The following PICK1 variants were observed in gnomAD, a reference collection of about 807,000 sequenced individuals.
PICK1 encodes PRKCA-binding protein.
In PICK1, 23 loss-of-function variants were observed where a neutral mutation model predicts 48.9. That is an observed-to-expected ratio of 0.47 (90% CI 0.34 to 0.67). PICK1 has a LOEUF of 0.67. Among genes scored for constraint, PICK1 ranks in the 30% least tolerant of loss-of-function variants. The probability of loss-of-function intolerance (pLI) is 0.01; values close to 1 mark genes in which losing one functional copy is unlikely to be tolerated. For synonymous variants in PICK1, 217 were observed against 228.2 expected (o/e 0.95, Z 0.44); for missense variants, 423 against 557.1 (o/e 0.76, Z 2.42).
intron 2 of PICK1, 57 bp downstream of exon 2, chr22:38,057,907 C>T (rs1364449807): frequency 2.9e-6 from 4 of 1,359,868 alleles, no homozygotes; most frequent in Non-Finnish European, 4.2e-6. Flanking sequence ...TTCCTCATTT[C>T]CCTGGACTTC....
rs951342778 is a variant in PICK1, at chr22:38,073,651, C to T, written c.784-122C>T. 7.2e-5 allele frequency: 66 copies of T among 915,424 alleles called. 1 individual carries two copies. Among genetic ancestry groups the T allele is most frequent in the African/African-American group, 3.6e-4 (22 of 61,672 alleles). 56.7% of individuals were successfully genotyped at this position (915,424 alleles called of 1,614,324 possible). A position where few individuals can be genotyped will look rare whatever the true frequency, so the allele number is the denominator to read the frequency against. ...TCATCCCTCAGCACCTGCCGCTGCC[C>T]GCTCTGGGACTCCCTGAACACCTGC... On this transcript the variant is annotated intron_variant, in intron 10 of 12. Coordinates refer to ENST00000356976, the MANE Select transcript of PICK1 (RefSeq NM_012407.4). This position sits in a 1 kb window ranked among gnomAD's most constrained non-coding sequence, Gnocchi z 5.7.
chr22:38,071,974 T>C (rs2085708273), intron 8 of PICK1: 4 of 595,818 alleles, frequency 6.7e-6, no homozygotes, highest in African/African-American at 1.9e-5. Flanking sequence ...ACACTGCCAC[T>C]GGCAGTACAC....
Position 38,073,858 on chromosome 22 carries a change from C to G in PICK1, c.834+35C>G. ...GGAGGGGGTGGGGGGCTTGTACTTC[C>G]CCCCACCTGGTCTGCCAGGGATAGC... On this transcript the variant is annotated intron_variant, in intron 11 of 12. Transcript: ENST00000356976. The surrounding 1 kb of genome is among the most constrained non-coding windows in gnomAD (Gnocchi z 5.7). 1 of 1,603,250 alleles carries G rather than the reference C, an allele frequency of 6.2e-7. No homozygotes were observed. The highest frequency in any genetic ancestry group is 2.2e-5 in the East Asian group (1 of 44,812).
At position 38,073,691 on chromosome 22, in the gene PICK1, C is replaced by A; in HGVS notation, c.784-82C>A. The A allele has an allele frequency of 7.9e-7, 1 of 1,267,804 alleles. No individual in the cohort carries two copies. The highest frequency in any genetic ancestry group is 1.2e-6 in the Non-Finnish European group (1 of 865,956). 78.5% of individuals were successfully genotyped at this position (1,267,804 alleles called of 1,614,324 possible). On this transcript the variant is annotated intron_variant, in intron 10 of 12. Coordinates refer to ENST00000356976, the MANE Select transcript of PICK1 (RefSeq NM_012407.4). The surrounding 1 kb of genome is among the most constrained non-coding windows in gnomAD (Gnocchi z 5.7). ...TGAACACCTGCGCCAGCCTCTCCTG[C>A]TGCGTGTGGGTGATGGGGGTGGAGC...
At chr22:38,062,459 GCTGGTCTCGAACTC>G (rs2085426077) in intron 3 of PICK1, among the ~76,000 whole-genome samples, 3 of 152,072 alleles carry the variant, frequency 2.0e-5, no homozygotes, top group African/African-American at 4.8e-5. Context: ...TGTTGGTCAG[GCTGGTCTCGAACTC>G]CTGACTTCAA....
At position 38,070,852 on chromosome 22, in the gene PICK1, A is replaced by G. The variant is rs2085661375; in HGVS notation, c.454A>G (p.Arg152Gly). 3.1e-6 allele frequency: 5 copies of G among 1,613,754 alleles called. No homozygotes were observed. The highest frequency in any genetic ancestry group is 1.6e-4 in the Middle Eastern group (1 of 6,084). ...AATCCCGACAGATGGGCTTGTCAAG[A>G]GGCTAGAGGAGCTGGAGCGGACCGC... ...AILCNDGLVK[R>G]LEELERTAEL... is the part of the protein sequence containing the mutation. The change falls in exon 7 of 13, where the codon AGG (arginine) becomes GGG (glycine). Residue 152 changes from arginine (R) to glycine (G), a missense_variant. Coordinates refer to ENST00000356976, the MANE Select transcript of PICK1 (RefSeq NM_012407.4).
rs1176865743 is a variant in PICK1, at chr22:38,066,858, G to GA, written c.283-844dup. ...CGTGCTCAGGCAAGTCCTCTTGGGA[G>GA]AAGCCTTTGTCTCCTGAGCAGTCGT... On this transcript the variant is annotated intron_variant, in intron 4 of 12. Coordinates refer to ENST00000356976, the MANE Select transcript of PICK1 (RefSeq NM_012407.4). The surrounding 1 kb of genome is among the most constrained non-coding windows in gnomAD (Gnocchi z 4.1). 2.6e-5 allele frequency among the ~76,000 whole-genome samples: 4 copies of GA among 152,244 alleles called. No homozygotes were observed. Among genetic ancestry groups the GA allele is most frequent in the Admixed American group, 6.5e-5 (1 of 15,288 alleles).
In PICK1 at chr22:38,066,384, G is replaced by C. The variant is rs904791830; in HGVS notation, c.282+1254G>C. ...ATCTCCACTCGCCAGGTCCCTCCCT[G>C]TCCTCTCAGGCTTGGTCATACCAGC... On this transcript the variant is annotated intron_variant, in intron 4 of 12. Transcript: ENST00000356976. This position sits in a 1 kb window ranked among gnomAD's most constrained non-coding sequence, Gnocchi z 4.1. Among the ~76,000 whole-genome samples, 1 of 152,158 alleles carries C rather than the reference G, an allele frequency of 6.6e-6. No homozygotes were observed. The highest frequency in any genetic ancestry group is 2.4e-5 in the African/African-American group (1 of 41,438).
intron 3 of PICK1, among the ~76,000 whole-genome samples, chr22:38,063,502 A>G (rs2085455759): frequency 6.6e-6 from 1 of 152,194 alleles, no homozygotes; most frequent in Admixed American, 6.5e-5. Context: ...TACAAAGCAC[A>G]ATCGGCTAAG....
At chr22:38,065,236 C>G in intron 4 of PICK1, 106 bp downstream of exon 4, 1 of 1,101,226 alleles carries the variant, frequency 9.1e-7, no homozygotes, top group Non-Finnish European at 1.4e-6. Context: ...TCAGCCCTCA[C>G]CGCCCCCTTC....
At chr22:38,068,581 GT>G (rs1266743392) in intron 5 of PICK1, among the ~76,000 whole-genome samples, 1 of 152,186 alleles carries the variant, frequency 6.6e-6, no homozygotes, top group Non-Finnish European at 1.5e-5. Context: ...GTCAGATGCA[GT>G]AACTGAGTCT....
In PICK1 at chr22:38,074,701, C is replaced by T. The variant is rs1469530523; in HGVS notation, c.980-163C>T. 3.3e-5 allele frequency among the ~76,000 whole-genome samples: 5 copies of T among 151,824 alleles called. No homozygotes were observed. The highest frequency in any genetic ancestry group is 1.2e-4 in the African/African-American group (5 of 41,372). On this transcript the variant is annotated intron_variant, in intron 12 of 12. Transcript: ENST00000356976. The surrounding 1 kb of genome is among the most constrained non-coding windows in gnomAD (Gnocchi z 4.5). ...GGGAGCGGGGAGGCCCCGGGCTGGG[C>T]GGCCCCTGCCTCCGCCCCTTGCCAG...
At chr22:38,060,897 C>A (rs980625590) in intron 3 of PICK1, among the ~76,000 whole-genome samples, 1 of 151,826 alleles carries the variant, frequency 6.6e-6, no homozygotes, top group African/African-American at 2.4e-5. Context: ...TACAGGTGTG[C>A]GCCATCATGC....
At position 38,075,286 on chromosome 22, in the gene PICK1, CTCCT is replaced by C; in HGVS notation, c.*155_*158del. ...TCTGTCCTCGCACAGCGAACCTGGG[CTCCT>C]GCCCAGGACAGGCACCAGGGTCATG... On this transcript the variant is annotated 3_prime_UTR_variant, in exon 13 of 13. Transcript: ENST00000356976. The C allele has an allele frequency of 1.4e-6, 1 of 731,322 alleles. No homozygotes were observed. Among genetic ancestry groups the C allele is most frequent in the African/African-American group, 1.8e-5 (1 of 56,332 alleles). 45.3% of individuals were successfully genotyped at this position (731,322 alleles called of 1,614,324 possible).
rs139480954 is a variant in PICK1, at chr22:38,058,509, A to C, written c.41+659A>C. Among the ~76,000 whole-genome samples, 21 of 152,292 alleles carry C rather than the reference A, an allele frequency of 1.4e-4. No homozygotes were observed. The East Asian group carries it at 4.1e-3, about 29-fold the overall frequency. Reference sequence around the variant, plus strand: ...GGCCATCATACTACATAGATGCCTGATAAGGTGACAAGGACAGAACCTGGC... The same window carrying C: ...GGCCATCATACTACATAGATGCCTGCTAAGGTGACAAGGACAGAACCTGGC... On this transcript the variant is annotated intron_variant, in intron 2 of 12. Transcript: ENST00000356976.
At chr22:38,063,790 A>G (rs1421443102) in intron 3 of PICK1, among the ~76,000 whole-genome samples, 2 of 151,278 alleles carry the variant, frequency 1.3e-5, no homozygotes, top group East Asian at 3.9e-4. Flanking sequence ...CTACAGGCGT[A>G]CACCACCATG....
In PICK1 at chr22:38,074,230, A is replaced by G. The variant is rs2085773024; in HGVS notation, c.835-77A>G. On this transcript the variant is annotated intron_variant, in intron 11 of 12. Coordinates refer to ENST00000356976, the MANE Select transcript of PICK1 (RefSeq NM_012407.4). The surrounding 1 kb of genome is among the most constrained non-coding windows in gnomAD (Gnocchi z 4.5). The stretch of plus-strand genomic sequence containing the variant: ...CAGAAATGAGGTCTCAGGAATGAAG[A>G]ACAGCCGTGGCTTTGAAAGCACAGT... 9 of 1,531,588 alleles carry G rather than the reference A, an allele frequency of 5.9e-6. No homozygotes were observed. The highest frequency in any genetic ancestry group is 8.1e-6 in the Non-Finnish European group (9 of 1,110,110). The allele number at this position is 1,531,588 out of a possible 1,614,324, so 94.9% of individuals were successfully genotyped here.
At chr22:38,067,083 G>A (rs954021163) in intron 4 of PICK1, among the ~76,000 whole-genome samples, 1 of 152,054 alleles carries the variant, frequency 6.6e-6, no homozygotes, top group Non-Finnish European at 1.5e-5. Context: ...ACACGGCAAA[G>A]GCTTGGAGTG....
At chr22:38,061,811 G>A (rs573130088) in intron 3 of PICK1, among the ~76,000 whole-genome samples, 2 of 152,134 alleles carry the variant, frequency 1.3e-5, no homozygotes, top group South Asian at 2.1e-4. Flanking sequence ...GTGAGCCACC[G>A]TGCTCAGCCT....
Sources: gnomAD v4.1 joint callset for allele counts (sites outside exome capture counted in the v4.1 genomes callset) on GRCh38, gnomAD v4.1.1 for gene constraint, Gnocchi (gnomAD v3.1) non-coding constraint, MANE v1.5 for transcripts, NCBI Gene and HGNC (gene_info 2026-07-23, HGNC 2026-07-21) for gene names.